The following DLG2 variants were observed in gnomAD, a reference collection of about 807,000 sequenced individuals.
DLG2 encodes the protein disks large homolog 2.
A neutral mutation model predicts 132.5 loss-of-function variants in DLG2; 45 were observed. That is an observed-to-expected ratio of 0.34 (90% CI 0.27 to 0.44). DLG2 has a LOEUF of 0.44. Among genes scored for constraint, DLG2 ranks in the 20% least tolerant of loss-of-function variants. The pLI is 1.00. For synonymous variants in DLG2, 424 were observed against 419.6 expected (o/e 1.01, Z -0.13); for missense variants, 1,045 against 1,196.9 (o/e 0.87, Z 1.87).
chr11:85,191,133 T>C (rs944741184), intron 4 of DLG2, among the ~76,000 whole-genome samples: 1 of 151,168 alleles, frequency 6.6e-6, no homozygotes, highest in Non-Finnish European at 1.5e-5. Flanking sequence ...AAATCATTTG[T>C]CTATATGCAT....
At chr11:83,545,981 T>TA (rs2096231789) in intron 19 of DLG2, among the ~76,000 whole-genome samples, 1 of 152,184 alleles carries the variant, frequency 6.6e-6, no homozygotes, top group Non-Finnish European at 1.5e-5. Flanking sequence ...GCAACTTTTA[T>TA]AAAATGCCAT....
At chr11:84,912,863 C>G (rs2092201861) in intron 6 of DLG2, among the ~76,000 whole-genome samples, 1 of 152,178 alleles carries the variant, frequency 6.6e-6, no homozygotes, top group Non-Finnish European at 1.5e-5. Context: ...CACATAAGCT[C>G]TTGAACAGAG....
chr11:83,484,090 T>TTATG, intron 22 of DLG2, 39 bp downstream of exon 22: 4 of 1,561,782 alleles, frequency 2.6e-6, no homozygotes, highest in Admixed American at 1.7e-5. Context: ...TTTTTTTCTC[T>TTATG]TATGTTGCAT....
chr11:83,860,414 A>G (rs1414281643), intron 16 of DLG2, among the ~76,000 whole-genome samples: 2 of 152,152 alleles, frequency 1.3e-5, no homozygotes, highest in Non-Finnish European at 2.9e-5. Flanking sequence ...GAGTCAAAGG[A>G]GCCCATTTTG....
intron 8 of DLG2, among the ~76,000 whole-genome samples, chr11:84,244,432 C>T (rs766159144): frequency 8.5e-5 from 13 of 152,106 alleles, no homozygotes; most frequent in South Asian, 2.1e-4. Flanking sequence ...TTGATCCACC[C>T]GCCTCGGCCT....
intron 3 of DLG2, among the ~76,000 whole-genome samples, chr11:85,565,930 A>T (rs978155742): frequency 6.6e-6 from 1 of 152,322 alleles, no homozygotes; most frequent in East Asian, 1.9e-4. Flanking sequence ...AAACTGCCAC[A>T]CAGTTTTTCA....
At chr11:85,513,479 T>A (rs746139472) in intron 3 of DLG2, among the ~76,000 whole-genome samples, 2 of 152,062 alleles carry the variant, frequency 1.3e-5, no homozygotes, top group East Asian at 3.9e-4. Flanking sequence ...ACCAATACTA[T>A]GTCACATGAA....
At chr11:83,509,342 A>C (rs1042037289) in intron 21 of DLG2, among the ~76,000 whole-genome samples, 2 of 152,220 alleles carry the variant, frequency 1.3e-5, no homozygotes, top group South Asian at 2.1e-4. Context: ...ACCACTTGTA[A>C]TGAGGCTCAG....
chr11:83,586,730 C>G (rs753274310), intron 19 of DLG2, among the ~76,000 whole-genome samples: 1 of 152,184 alleles, frequency 6.6e-6, no homozygotes, highest in African/African-American at 2.4e-5. Context: ...TACAGAGGCA[C>G]TGAGAAGTTA....
At chr11:85,208,461 A>C (rs763921821) in intron 4 of DLG2, among the ~76,000 whole-genome samples, 1 of 152,136 alleles carries the variant, frequency 6.6e-6, no homozygotes, top group Non-Finnish European at 1.5e-5. Flanking sequence ...AAACAATTTC[A>C]ATTTCAATAT....
intron 3 of DLG2, among the ~76,000 whole-genome samples, chr11:85,580,398 C>A (rs2153228733): frequency 6.6e-6 from 1 of 152,184 alleles, no homozygotes; most frequent in South Asian, 2.1e-4. Flanking sequence ...CACTAATGAC[C>A]CACTAGTACC....
chr11:85,032,729 T>G (rs1486171470), intron 6 of DLG2, among the ~76,000 whole-genome samples: 2 of 152,140 alleles, frequency 1.3e-5, no homozygotes, highest in Non-Finnish European at 2.9e-5. Context: ...TAAAAGTGTG[T>G]TTAGAGAAAA....
At chr11:83,510,707 G>T (rs1018156678) in intron 21 of DLG2, among the ~76,000 whole-genome samples, 2 of 151,896 alleles carry the variant, frequency 1.3e-5, no homozygotes, top group Non-Finnish European at 2.9e-5. Flanking sequence ...TTTCCTTGAG[G>T]TATCTTTCAG....
At chr11:85,491,402 C>T (rs1439968720) in intron 3 of DLG2, among the ~76,000 whole-genome samples, 1 of 152,026 alleles carries the variant, frequency 6.6e-6, no homozygotes, top group Non-Finnish European at 1.5e-5. Flanking sequence ...CAACATAGTA[C>T]TGGAAGTTCT....
chr11:83,587,045 T>C (rs757402666), intron 19 of DLG2, among the ~76,000 whole-genome samples: 4 of 152,232 alleles, frequency 2.6e-5, no homozygotes, highest in Non-Finnish European at 5.9e-5. Flanking sequence ...GAATAAGTTA[T>C]ACCTGTTCAC....
At chr11:83,496,976 C>G (rs563004838) in intron 21 of DLG2, among the ~76,000 whole-genome samples, 3 of 152,318 alleles carry the variant, frequency 2.0e-5, no homozygotes, top group African/African-American at 7.2e-5. Flanking sequence ...GTGTTCTACC[C>G]AATGTTGTCA....
chr11:83,483,161 A>C, intron 22 of DLG2: 1 of 976,240 alleles, frequency 1.0e-6, no homozygotes, highest in Non-Finnish European at 1.7e-6. Flanking sequence ...GCATGCTAGG[A>C]GTGAAAGGCC....
chr11:83,660,120 A>G (rs1322825548), intron 18 of DLG2, among the ~76,000 whole-genome samples: 1 of 152,242 alleles, frequency 6.6e-6, no homozygotes, highest in Admixed American at 6.5e-5. Flanking sequence ...GAAAATGTGC[A>G]AAAGGATAGG....
rs1410544502 is a variant in DLG2, at chr11:85,122,940, G to GTATATATATTATATATATATTATA, written c.283-11206_283-11205insTATAATATATATATAATATATATA. ...CACACACATGCATGTATGTGTGTCT[G>GTATATATATTATATATATATTATA]TATATATATTATATATATATATATA... On this transcript the variant is annotated intron_variant, in intron 5 of 27. Transcript: ENST00000376104. 4.6e-4 allele frequency among the ~76,000 whole-genome samples: 22 copies of GTATATATATTATATATATATTATA among 47,684 alleles called. 1 individual carries two copies. Among genetic ancestry groups the GTATATATATTATATATATATTATA allele is most frequent in the African/African-American group, 1.7e-3 (20 of 12,044 alleles). The allele number at this position is 47,684 out of a possible 152,430, so 31.3% of individuals were successfully genotyped here.
Sources: gnomAD v4.1 joint callset for allele counts (sites outside exome capture counted in the v4.1 genomes callset) on GRCh38, gnomAD v4.1.1 for gene constraint, MANE v1.5 for transcripts, NCBI Gene and HGNC (gene_info 2026-07-23, HGNC 2026-07-21) for gene names.